The following ITGA9 variants were observed in gnomAD, a reference collection of about 807,000 sequenced individuals.
ITGA9 encodes the protein integrin alpha-9.
ITGA9 carries 56 observed loss-of-function variants against 127.8 expected under a neutral mutation model. That is an observed-to-expected ratio of 0.44 (90% confidence interval 0.35 to 0.55). The LOEUF (loss-of-function observed/expected upper bound fraction) is 0.55, where lower values mean the gene tolerates loss of function less well. ITGA9 is among the 20% of genes least tolerant of loss of function. The pLI is 0.00. For missense variants in ITGA9, 1,196 were observed against 1,347.1 expected, an observed-to-expected ratio of 0.89 and a Z score of 1.76; for synonymous variants, 508 against 514.5, an observed-to-expected ratio of 0.99 and a Z score of 0.17.
At chr3:37,615,822 T>A (rs1400123263) in intron 15 of ITGA9, among the ~76,000 whole-genome samples, 2 of 152,190 alleles carry the variant, frequency 1.3e-5, no homozygotes, top group Non-Finnish European at 2.9e-5. Context: ...ATCCCCTTTA[T>A]CATTTTTTAT....
rs1700261464 is a variant in ITGA9 at position 37,634,684 on chromosome 3, A to G, written c.1839+5348A>G. ...TTCAGTACCCCACTTTCTGCAATGG[A>G]CAGATCATCCAGACAGAAAATCAAT... is the stretch of plus-strand genomic sequence containing the variant. On this transcript the variant is annotated intron_variant, in intron 16 of 27. Coordinates refer to ENST00000264741, the MANE Select transcript of ITGA9 (RefSeq NM_002207.3). Among the ~76,000 whole-genome samples the G allele has an allele frequency of 2.0e-5, 3 of 152,226 alleles. No individual in the cohort carries two copies. In the South Asian group the frequency reaches 6.2e-4, roughly 32 times the overall value.
chr3:37,723,515 T>C (rs1701213959), intron 18 of ITGA9, among the ~76,000 whole-genome samples: 1 of 152,102 alleles, frequency 6.6e-6, no homozygotes, highest in Admixed American at 6.6e-5. Flanking sequence ...TGTGTGCTAC[T>C]ACAACTGGGC....
intron 27 of ITGA9, chr3:37,807,576 A>T (rs1697313862): frequency 6.6e-6 from 1 of 152,446 alleles, no homozygotes; most frequent in African/African-American, 2.4e-5. Flanking sequence ...GCATGACCAG[A>T]TCTGTGTCGA....
intron 23 of ITGA9, among the ~76,000 whole-genome samples, chr3:37,764,093 A>G (rs190684482): frequency 7.4e-4 from 112 of 152,284 alleles, no homozygotes; most frequent in African/African-American, 1.3e-3. Flanking sequence ...ATGACTATCC[A>G]CAATTCTCCA....
chr3:37,615,225 A>G (rs148176641), intron 15 of ITGA9, among the ~76,000 whole-genome samples: 3,694 of 152,250 alleles, frequency 0.024, 125 homozygotes, highest in African/African-American at 0.082. Context: ...TGAGATAATC[A>G]TGTGGTTTTT....
At chr3:37,662,276 G>C (rs571796727) in intron 17 of ITGA9, among the ~76,000 whole-genome samples, 1 of 152,060 alleles carries the variant, frequency 6.6e-6, no homozygotes, top group Non-Finnish European at 1.5e-5. Context: ...GGCAGCAAGC[G>C]CCTCTAGTCC....
intron 17 of ITGA9, among the ~76,000 whole-genome samples, chr3:37,680,542 C>G (rs1349875893): frequency 6.6e-6 from 1 of 152,168 alleles, no homozygotes; most frequent in Non-Finnish European, 1.5e-5. Context: ...TGTCCCTGGC[C>G]TGATCCCTTA....
chr3:37,685,646 C>T (rs1700776002), intron 18 of ITGA9, among the ~76,000 whole-genome samples: 1 of 152,196 alleles, frequency 6.6e-6, no homozygotes, highest in Non-Finnish European at 1.5e-5. Context: ...ATGTAATTGG[C>T]AACTGGCTCA....
intron 23 of ITGA9, among the ~76,000 whole-genome samples, chr3:37,766,824 A>G (rs117529337): frequency 1.3e-5 from 2 of 152,214 alleles, no homozygotes; most frequent in East Asian, 3.9e-4. Context: ...TGCTCAGATA[A>G]CATATTTATG....
chr3:37,654,268 G>A (rs982141736), intron 17 of ITGA9, among the ~76,000 whole-genome samples: 6 of 151,874 alleles, frequency 4.0e-5, no homozygotes, highest in Admixed American at 2.0e-4. Context: ...TCTGTGGCAG[G>A]AGAGGGCTGA....
chr3:37,773,726 G>T (rs537010570), intron 23 of ITGA9, among the ~76,000 whole-genome samples: 1 of 152,200 alleles, frequency 6.6e-6, no homozygotes, highest in Admixed American at 6.5e-5. Context: ...ACTTTCATGG[G>T]GGTGGTAGTT....
intron 16 of ITGA9, among the ~76,000 whole-genome samples, chr3:37,638,240 G>A (rs1209986923): frequency 6.6e-6 from 1 of 152,152 alleles, no homozygotes; most frequent in Non-Finnish European, 1.5e-5. Context: ...ACGGACGTGG[G>A]TAATAATGAG....
chr3:37,729,700 C>CTTTTTTTTT (rs34875348), intron 18 of ITGA9, among the ~76,000 whole-genome samples: 1 of 84,122 alleles, frequency 1.2e-5, no homozygotes, highest in African/African-American at 4.6e-5. Flanking sequence ...TTTTTGATTT[C>CTTTTTTTTT]TTTTTTTTTT....
intron 1 of ITGA9, among the ~76,000 whole-genome samples, chr3:37,461,273 TG>T (rs1698313827): frequency 6.6e-6 from 1 of 152,064 alleles, no homozygotes. Flanking sequence ...GCCAAGAGAG[TG>T]GGCTCCAGCA....
At chr3:37,737,110 A>C in intron 20 of ITGA9, 127 bp downstream of exon 20, 2 of 748,158 alleles carry the variant, frequency 2.7e-6, no homozygotes, top group Admixed American at 4.0e-5. Flanking sequence ...CTCAGTGATA[A>C]AGCCTTGAGC....
chr3:37,504,632 T>C (rs988984169), intron 6 of ITGA9, among the ~76,000 whole-genome samples: 8 of 152,172 alleles, frequency 5.3e-5, no homozygotes, highest in African/African-American at 1.9e-4. Flanking sequence ...CCAGTTTGGA[T>C]GATGGGTTTG....
At chr3:37,473,162 GAA>G (rs1698454346) in intron 2 of ITGA9, among the ~76,000 whole-genome samples, 190 bp from the exon 3 acceptor site, 1 of 108,696 alleles carries the variant, frequency 9.2e-6, no homozygotes, top group African/African-American at 3.6e-5. Context: ...AAAAAAAAAA[GAA>G]AGAAAAAGAA....
chr3:37,709,187 TACC>T (rs1701049459), intron 18 of ITGA9, among the ~76,000 whole-genome samples: 2 of 152,242 alleles, frequency 1.3e-5, no homozygotes, highest in African/African-American at 4.8e-5. Flanking sequence ...CTTAGGACCA[TACC>T]TGAGACATAG....
chr3:37,683,821 G>C (rs1183201996), intron 17 of ITGA9, 44 bp from the exon 18 acceptor site: 1 of 1,604,224 alleles, frequency 6.2e-7, no homozygotes, highest in Non-Finnish European at 8.5e-7. Context: ...TGTTATATTA[G>C]TGTAGGCCTC....
Sources: gnomAD v4.1 joint callset for allele counts (sites outside exome capture counted in the v4.1 genomes callset) on GRCh38, gnomAD v4.1.1 for gene constraint, MANE v1.5 for transcripts, NCBI Gene and HGNC (gene_info 2026-07-23, HGNC 2026-07-21) for gene names.